Variants in APOB observed in about 807,000 individuals in gnomAD.
APOB encodes the protein apolipoprotein B.
APOB carries 153 observed loss-of-function variants against 314.1 expected under a neutral mutation model. That is an observed-to-expected ratio of 0.49 (90% CI 0.43 to 0.56). The LOEUF is 0.56. Ranked by LOEUF, APOB falls within the 20% of genes least tolerant of loss-of-function variation. APOB has a pLI of 0.00. For missense variants in APOB, 5,430 were observed against 5,350.7 expected (o/e 1.01, Z -0.46); for synonymous variants, 2,087 against 2,036.4 (o/e 1.02, Z -0.67).
chr2:21,032,346 A>G lies in APOB; in HGVS notation c.1352+8T>C, dbSNP rs757499266. 10 of 1,611,240 alleles carry G rather than the reference A, an allele frequency of 6.2e-6. No homozygotes were observed. The highest frequency in any genetic ancestry group is 1.8e-4 in the Middle Eastern group (1 of 5,588). On this transcript the variant is annotated splice_region_variant and intron_variant, in intron 10 of 28. Transcript: ENST00000233242. ...TCCTAGGAGGAGAAATACAGTGTGG[A>G]AACTCACTTGTTGACCGCGTGGCTC...
chr2:21,031,861 C>CA (rs1235556664), intron 10 of APOB, among the ~76,000 whole-genome samples: 2 of 150,802 alleles, frequency 1.3e-5, no homozygotes, highest in African/African-American at 4.9e-5. Flanking sequence ...AAAACAACAA[C>CA]AACAAAAAAA....
At chr2:21,027,112 T>C in intron 14 of APOB, 148 bp from the exon 15 acceptor site, 1 of 758,698 alleles carries the variant, frequency 1.3e-6, no homozygotes, top group Non-Finnish European at 2.3e-6. Context: ...CAGGAGCTGC[T>C]TTATTAAAAT....
At chr2:21,003,475 A>C (rs1486278762) in intron 28 of APOB, 141 bp from the exon 29 acceptor site, 3 of 772,028 alleles carry the variant, frequency 3.9e-6, no homozygotes, top group Non-Finnish European at 6.4e-6. Context: ...TTCATATGTC[A>C]GTTCATGTGT....
chr2:21,002,246 A>G lies in APOB; in HGVS notation c.13176T>C (p.Ser4392=), dbSNP rs769516694. The part of the protein sequence containing the change: ...MALREEYFDP[S]IVGWTVKYYE... ...AATATTTCACTGTCCAGCCAACTAT[A>G]CTTGGATCAAAATATTCTTCACGAA... is the stretch of plus-strand genomic sequence containing the variant. The change falls in exon 29 of 29, where the codon AGT becomes AGC. Residue 4392 remains serine (S), a synonymous_variant. Transcript: ENST00000233242. The G allele has an allele frequency of 6.2e-7, 1 of 1,613,960 alleles. No homozygotes were observed.
At chr2:21,020,217 G>T (rs1428336118) in intron 18 of APOB, among the ~76,000 whole-genome samples, 1 of 152,178 alleles carries the variant, frequency 6.6e-6, no homozygotes, top group Non-Finnish European at 1.5e-5. Context: ...CACTGGGGCT[G>T]AACTTCAGTG....
At chr2:21,041,125 G>T (rs1664123206) in intron 3 of APOB, 42 bp from the exon 4 acceptor site, 2 of 1,598,732 alleles carry the variant, frequency 1.3e-6, no homozygotes, top group African/African-American at 2.7e-5. Flanking sequence ...TGTCTATCAA[G>T]AATGAGAGGT....
At chr2:21,040,478 G>A (rs1204446165) in intron 4 of APOB, among the ~76,000 whole-genome samples, 3 of 152,162 alleles carry the variant, frequency 2.0e-5, no homozygotes, top group Non-Finnish European at 2.9e-5. Context: ...TGCAGTGGCC[G>A]ATCAGCGTGC....
chr2:21,003,315 A>T lies in APOB; in HGVS notation c.12107T>A (p.Leu4036His), dbSNP rs1451475157. 1 of 1,613,336 alleles carries T rather than the reference A, an allele frequency of 6.2e-7. No individual in the cohort carries two copies. The highest frequency in any genetic ancestry group is 2.2e-5 in the East Asian group (1 of 44,864). Residue 4036 changes from leucine to histidine, a missense_variant, in exon 29 of 29, where the codon CTC (leucine) becomes CAC (histidine). By Grantham distance (99) the Leu-to-His change is moderately conservative. This residue lies in a region of APOB where 3,281 missense variants were observed against 3,171.0 expected (regional missense o/e 1.03). Coordinates refer to ENST00000233242, the MANE Select transcript of APOB (RefSeq NM_000384.3). Reference protein sequence around the residue: ...YSPQSSPDKKLTIFKTELRVR... With the variant: ...YSPQSSPDKKHTIFKTELRVR... ...CCTCAACTCAGTTTTGAATATGGTGAGTTTTTTATCTGGAGAGGACTAAAC... is the reference window on the plus strand; with the variant it reads ...CCTCAACTCAGTTTTGAATATGGTGTGTTTTTTATCTGGAGAGGACTAAAC...
At chr2:21,043,113 C>G (rs1048641151) in intron 2 of APOB, among the ~76,000 whole-genome samples, 1 of 150,430 alleles carries the variant, frequency 6.6e-6, no homozygotes, top group South Asian at 2.2e-4. Flanking sequence ...GTTCCTTTAA[C>G]CCCCAGGGGT....
At position 21,036,190 on chromosome 2, in the gene APOB, G is replaced by A. The variant is rs571548345; in HGVS notation, c.694-482C>T. Among the ~76,000 whole-genome samples the A allele has an allele frequency of 1.2e-3, 185 of 152,198 alleles. 2 individuals carry two copies. The highest frequency in any genetic ancestry group is 4.1e-3 in the African/African-American group (171 of 41,524). On this transcript the variant is annotated intron_variant, in intron 6 of 28. Transcript: ENST00000233242. ...CTTATCACCTTATTGAGTATACCAC[G>A]TATACTTTATTGACCTGGCTCCTGC... is the stretch of plus-strand genomic sequence containing the variant.
At position 21,008,388 on chromosome 2, in the gene APOB, G is replaced by A. The variant is rs756204712; in HGVS notation, c.8480C>T (p.Ser2827Leu). The A allele has an allele frequency of 1.2e-6, 2 of 1,614,024 alleles. No individual in the cohort carries two copies. The highest frequency in any genetic ancestry group is 3.3e-4 in the Middle Eastern group (2 of 6,060). Residue 2827 changes from serine (S) to leucine (L), a missense_variant, in exon 26 of 29, where the codon TCA (serine) becomes TTA (leucine). Transcript: ENST00000233242. ...CAGGTACTTGCTGGAGAACTTCACT[G>A]ACTCCTTCAGAGCCAGCGGATTAAT... is the stretch of plus-strand genomic sequence containing the variant. ...PKINPLALKE[S>L]VKFSSKYLRT... is the part of the protein sequence containing the mutation.
Position 21,012,233 on chromosome 2 carries a change from G to C in APOB, c.4635C>G (p.Thr1545=). 1 of 1,610,634 alleles carries C rather than the reference G, an allele frequency of 6.2e-7. No individual in the cohort carries two copies. The highest frequency in any genetic ancestry group is 8.5e-7 in the Non-Finnish European group (1 of 1,177,358). The change falls in exon 26 of 29, where the codon ACC becomes ACG. Residue 1545 remains threonine (T), a synonymous_variant. Coordinates refer to ENST00000233242, the MANE Select transcript of APOB (RefSeq NM_000384.3). ...GRYEDGTLSL[T]STSDLQSGII... is the part of the protein sequence containing the mutation. ...TGCCACTTTGCAGATCAGAGGTGGA[G>C]GTGAGGGAGAGGGTTCCATCTTCAT... is the stretch of plus-strand genomic sequence containing the variant.
Position 21,013,382 on chromosome 2 carries a change from A to G in APOB, c.3994T>C (p.Ser1332Pro). 6.2e-7 allele frequency: 1 copy of G among 1,614,228 alleles called. No homozygotes were observed. Among genetic ancestry groups the G allele is most frequent in the Non-Finnish European group, 8.5e-7 (1 of 1,180,030 alleles). Residue 1332 changes from serine to proline, a missense_variant, in exon 25 of 29, where the codon TCT (serine) becomes CCT (proline). Ser to Pro is a moderately conservative substitution (Grantham distance 74, BLOSUM62 -1). Around this residue, in one of 3 missense-constraint regions of APOB, gnomAD observed 2,085 missense variants for 2,079.7 expected, o/e 1.00. Coordinates refer to ENST00000233242, the MANE Select transcript of APOB (RefSeq NM_000384.3). ...HFKSVGFHLP[S>P]REFQVPTFTI... ...AAAGTAGGGACTTGGAACTCTCGAG[A>G]TGGCAGATGGAATCCCACAGACTTG...
At chr2:21,023,829 T>C (rs1386128217) in intron 16 of APOB, 137 bp from the exon 17 acceptor site, 10 of 687,854 alleles carry the variant, frequency 1.5e-5, no homozygotes, top group Admixed American at 9.6e-5. Flanking sequence ...ATGAGCTGAA[T>C]AGTTTGATAA....
intron 6 of APOB, 150 bp from the exon 7 acceptor site, chr2:21,035,858 G>A (rs1306208966): frequency 4.7e-6 from 4 of 852,278 alleles, no homozygotes; most frequent in Admixed American, 2.0e-5. Context: ...TTTAGACCAG[G>A]GGGTGCAACA....
At chr2:21,040,715 G>T (rs1487848133) in intron 4 of APOB, among the ~76,000 whole-genome samples, 8 of 152,332 alleles carry the variant, frequency 5.3e-5, no homozygotes, top group African/African-American at 1.7e-4. Flanking sequence ...TAAAGCATGA[G>T]ATTTTTAGAA....
At chr2:21,023,111 C>T (rs1572793072) in intron 17 of APOB, 69 bp from the exon 18 acceptor site, 1 of 1,321,078 alleles carries the variant, frequency 7.6e-7, no homozygotes, top group East Asian at 2.3e-5. Flanking sequence ...AGATCAACCA[C>T]CCTTTCTCAC....
rs1663929067 is a variant in APOB, at chr2:21,033,423, T to C, written c.1000A>G (p.Lys334Glu). 1 of 1,614,058 alleles carries C rather than the reference T, an allele frequency of 6.2e-7. No individual in the cohort carries two copies. Among genetic ancestry groups the C allele is most frequent in the Admixed American group, 1.7e-5 (1 of 60,008 alleles). Residue 334 changes from lysine (K) to glutamate (E), a missense_variant, in exon 9 of 29, where the codon AAA (lysine) becomes GAA (glutamate). By Grantham distance (56) the Lys-to-Glu change is moderately conservative. This residue lies in a region of APOB where 2,085 missense variants were observed against 2,079.7 expected (regional missense o/e 1.00). Coordinates refer to ENST00000233242, the MANE Select transcript of APOB (RefSeq NM_000384.3). ...AVLKTLQELKKLTISEQNIQR... is the reference protein window; with the variant it reads ...AVLKTLQELKELTISEQNIQR... ...ATATTTTGCTCAGAGATGGTTAGTT[T>C]TTTCAGTTCCTGGAGAGTCTTCAAA...
Position 21,043,920 on chromosome 2 carries a change from AGCAGCG to A in APOB, c.20_25del (p.Ala7_Leu9delinsVal). ...CAGCGCAGGCAGCGCCAGCAGCGCC[AGCAGCG>A]CGGGCCTCGGCGGGTCCATCGCCAG... On this transcript the variant is annotated inframe_deletion, in exon 1 of 29. Coordinates refer to ENST00000233242, the MANE Select transcript of APOB (RefSeq NM_000384.3). The A allele has an allele frequency of 1.1e-6, 1 of 935,298 alleles. No individual in the cohort carries two copies. Among genetic ancestry groups the A allele is most frequent in the Admixed American group, 3.7e-5 (1 of 26,940 alleles). The allele number at this position is 935,298 out of a possible 1,614,324, so 57.9% of individuals were successfully genotyped here.
Sources: allele counts gnomAD v4.1 joint callset (sites outside exome capture counted in the v4.1 genomes callset), GRCh38; gene constraint gnomAD v4.1.1; regional missense constraint gnomAD v4.1.1; transcripts MANE v1.5; gene names NCBI Gene and HGNC (gene_info 2026-07-23, HGNC 2026-07-21).